Variants in SIM1 observed in about 807,000 individuals in gnomAD.
SIM1 encodes the protein single-minded homolog 1.
In SIM1, 18 loss-of-function variants were observed where a neutral mutation model predicts 78.2. The observed-to-expected ratio is 0.23, with a 90% CI of 0.16 to 0.34. The LOEUF is 0.34. SIM1 is among the 10% of genes least tolerant of loss of function. SIM1 has a pLI of 1.00. For missense variants in SIM1, 939 were observed against 975.1 expected, an observed-to-expected ratio of 0.96 and a Z score of 0.49; for synonymous variants, 417 against 385.2, an observed-to-expected ratio of 1.08 and a Z score of -0.97.
chr6:100,461,674 G>A (rs1772850797), intron 2 of SIM1, among the ~76,000 whole-genome samples: 2 of 152,154 alleles, frequency 1.3e-5, no homozygotes, highest in South Asian at 4.1e-4. Context: ...TTTTTATAAA[G>A]TAGGCGCTGA....
chr6:100,395,674 C>A (rs1329401232), intron 10 of SIM1, among the ~76,000 whole-genome samples: 2 of 152,132 alleles, frequency 1.3e-5, no homozygotes, highest in Non-Finnish European at 2.9e-5. Context: ...TCCCTTGTCG[C>A]CCATGATGAG....
intron 2 of SIM1, among the ~76,000 whole-genome samples, chr6:100,454,514 A>C (rs1241253480): frequency 6.3e-5 from 9 of 143,924 alleles, no homozygotes; most frequent in South Asian, 2.2e-4. Context: ...CCCCCTACCC[A>C]CCCCCCTACC....
At chr6:100,458,012 C>T (rs530924021) in intron 2 of SIM1, among the ~76,000 whole-genome samples, 664 of 7,216 alleles carry the variant, frequency 0.092, 4 homozygotes, top group East Asian at 0.28. Context: ...CTCTTTCTCT[C>T]TCTCTCTCTC....
chr6:100,393,990 C>G (rs1362617716), intron 10 of SIM1, 101 bp from the exon 11 acceptor site: 6 of 1,241,052 alleles, frequency 4.8e-6, no homozygotes, highest in Middle Eastern at 4.4e-4. Flanking sequence ...TACAAGCACC[C>G]TTAAGGTCTC....
At chr6:100,392,068 G>A (rs1206191578) in intron 11 of SIM1, among the ~76,000 whole-genome samples, 2 of 152,142 alleles carry the variant, frequency 1.3e-5, no homozygotes, top group South Asian at 2.1e-4. Flanking sequence ...CAGTTACTTG[G>A]GAGGCTGAGA....
intron 10 of SIM1, among the ~76,000 whole-genome samples, chr6:100,402,334 G>C (rs1298403024): frequency 1.3e-5 from 2 of 151,986 alleles, no homozygotes; most frequent in African/African-American, 4.8e-5. Context: ...AAGAAATCAG[G>C]CCACTAGCCA....
At chr6:100,454,569 G>A (rs996032344) in intron 2 of SIM1, among the ~76,000 whole-genome samples, 5 of 151,970 alleles carry the variant, frequency 3.3e-5, no homozygotes, top group African/African-American at 1.2e-4. Context: ...TACTTTGGGT[G>A]CTAACAATCT....
chr6:100,447,719 T>A (rs1193627623), intron 8 of SIM1, among the ~76,000 whole-genome samples: 1 of 152,192 alleles, frequency 6.6e-6, no homozygotes, highest in East Asian at 1.9e-4. Flanking sequence ...ACTACGGAAG[T>A]AAGGCTCTGG....
chr6:100,399,410 C>G (rs936063901), intron 10 of SIM1, among the ~76,000 whole-genome samples: 1 of 151,964 alleles, frequency 6.6e-6, no homozygotes, highest in Non-Finnish European at 1.5e-5. Context: ...ATATGAAGAA[C>G]AAATTAGTGC....
At chr6:100,462,362 C>T (rs2114561127) in intron 2 of SIM1, among the ~76,000 whole-genome samples, 1 of 152,290 alleles carries the variant, frequency 6.6e-6, no homozygotes, top group African/African-American at 2.4e-5. Flanking sequence ...AATCTGTTTG[C>T]ATTATTTGAA....
chr6:100,429,485 T>C (rs1426548612), intron 9 of SIM1, among the ~76,000 whole-genome samples: 1 of 152,154 alleles, frequency 6.6e-6, no homozygotes, highest in African/African-American at 2.4e-5. Flanking sequence ...TAAATTATGA[T>C]ATATCCATGT....
chr6:100,449,832 G>T, intron 4 of SIM1, 133 bp from the exon 5 acceptor site: 2 of 680,526 alleles, frequency 2.9e-6, no homozygotes, highest in Non-Finnish European at 5.2e-6. Context: ...GAGTTCCAAT[G>T]CCAGCTCTGC....
intron 9 of SIM1, among the ~76,000 whole-genome samples, chr6:100,421,977 C>G (rs1014338851): frequency 6.6e-6 from 1 of 151,282 alleles, no homozygotes; most frequent in East Asian, 2.0e-4. Context: ...TAGCTCCTCA[C>G]GTTTCCCTCT....
intron 9 of SIM1, among the ~76,000 whole-genome samples, chr6:100,443,787 TAGCAGGAAAA>T (rs1772279781): frequency 6.6e-6 from 1 of 152,086 alleles, no homozygotes; most frequent in Admixed American, 6.6e-5. Flanking sequence ...TGAAGTGATT[TAGCAGGAAAA>T]AAAATACACA....
At position 100,387,120 on chromosome 6, in the gene SIM1, C is replaced by A. The variant is rs1770530012; in HGVS notation, c.*3241G>T. 6.6e-6 allele frequency: 1 copy of A among 152,004 alleles called. No individual in the cohort carries two copies. The highest frequency in any genetic ancestry group is 2.4e-5 in the African/African-American group (1 of 41,428). 9.4% of individuals were successfully genotyped at this position (152,004 alleles called of 1,614,324 possible). A position where few individuals can be genotyped will look rare whatever the true frequency, so the allele number is the denominator to read the frequency against. ...CTTATTATCACTAGAAACCAGAATT[C>A]TACAAAACCATGAGCTATGTATCAT... On this transcript the variant is annotated 3_prime_UTR_variant, in exon 12 of 12. Transcript: ENST00000369208.
rs886060891 is a variant in SIM1, at chr6:100,388,877, A to G, written c.*1484T>C. 6.6e-6 allele frequency: 1 copy of G among 152,216 alleles called. No homozygotes were observed. The allele number at this position is 152,216 out of a possible 1,614,324, so 9.4% of individuals were successfully genotyped here. A position where few individuals can be genotyped will look rare whatever the true frequency, so the allele number is the denominator to read the frequency against. On this transcript the variant is annotated 3_prime_UTR_variant, in exon 12 of 12. Coordinates refer to ENST00000369208, the MANE Select transcript of SIM1 (RefSeq NM_005068.3). ...TACCAACTACATTTTGGCTAAATCT[A>G]GAAAGTTAACTGTAACCTGCCTAAA...
chr6:100,449,293 T>C, intron 6 of SIM1, 70 bp downstream of exon 6: 1 of 1,331,828 alleles, frequency 7.5e-7, no homozygotes, highest in Non-Finnish European at 1.1e-6. Flanking sequence ...GGGACATTCC[T>C]CCCACGCCGC....
At chr6:100,439,161 G>A (rs925549384) in intron 9 of SIM1, among the ~76,000 whole-genome samples, 7 of 152,162 alleles carry the variant, frequency 4.6e-5, no homozygotes, top group African/African-American at 1.4e-4. Flanking sequence ...GGTGAAGAAT[G>A]TAAAGAAAGA....
intron 2 of SIM1, among the ~76,000 whole-genome samples, chr6:100,460,590 A>G (rs749504838): frequency 6.6e-5 from 10 of 152,232 alleles, no homozygotes; most frequent in Non-Finnish European, 1.5e-4. Context: ...TGGCTTCATG[A>G]TAAATGTAAA....
Sources: allele counts gnomAD v4.1 joint callset (sites outside exome capture counted in the v4.1 genomes callset), GRCh38; gene constraint gnomAD v4.1.1; transcripts MANE v1.5; gene names NCBI Gene and HGNC (gene_info 2026-07-23, HGNC 2026-07-21).